ARID5B: variants seen among roughly 807,000 people sequenced by gnomAD.
The protein encoded by ARID5B is AT-rich interaction domain 5B.
Under a neutral mutation model 97.2 loss-of-function variants are expected in ARID5B, and 13 were observed. The ratio of observed to expected loss-of-function variants is 0.13; its 90% CI spans 0.09 to 0.21. The LOEUF is 0.21. Ranked by LOEUF, ARID5B falls within the 10% of genes least tolerant of loss-of-function variation. ARID5B has a pLI of 1.00. For missense variants in ARID5B, 1,210 were observed against 1,465.3 expected (o/e 0.83, Z 2.84); for synonymous variants, 556 against 570.3 (o/e 0.97, Z 0.36).
intron 9 of ARID5B, 149 bp downstream of exon 9, chr10:62,086,049 A>G: frequency 1.2e-6 from 1 of 814,292 alleles, no homozygotes; most frequent in East Asian, 2.5e-5. Context: ...TTCCCCACAT[A>G]GTTCCCCAGT....
rs1280371388 is a variant in ARID5B, at chr10:61,970,980, T to TGTGTGG, written c.503-29106_503-29105insGGTGTG. Among the ~76,000 whole-genome samples, 3 of 151,538 alleles carry TGTGTGG rather than the reference T, an allele frequency of 2.0e-5. No homozygotes were observed. The East Asian group carries it at 5.8e-4, about 29-fold the overall frequency. ...TATTAGTTTGCTTTTAAAGTGTGTG[T>TGTGTGG]GTGTGTGTGTGTATGTGTGTATAAA... On this transcript the variant is annotated intron_variant, in intron 3 of 9. Coordinates refer to ENST00000279873, the MANE Select transcript of ARID5B (RefSeq NM_032199.3).
rs55969343 is a variant in ARID5B, at chr10:62,062,779, C to CA, written c.1101+3509dup. 2.6e-3 allele frequency among the ~76,000 whole-genome samples: 223 copies of CA among 86,160 alleles called. 3 individuals carry two copies. Among genetic ancestry groups the CA allele is most frequent in the African/African-American group, 7.4e-3 (173 of 23,390 alleles). 56.5% of individuals were successfully genotyped at this position (86,160 alleles called of 152,430 possible). ...ATTTTTTCTCAAATTGGCCTTTGTGCAAAAAAAAAAAAAAAAAAAAAAAAA... is the reference window on the plus strand; with the variant it reads ...ATTTTTTCTCAAATTGGCCTTTGTGCAAAAAAAAAAAAAAAAAAAAAAAAAA... On this transcript the variant is annotated intron_variant, in intron 7 of 9. Coordinates refer to ENST00000279873, the MANE Select transcript of ARID5B (RefSeq NM_032199.3).
chr10:62,000,983 C>T lies in ARID5B; in HGVS notation c.733+662C>T, dbSNP rs1469266861. 1.3e-5 allele frequency among the ~76,000 whole-genome samples: 2 copies of T among 152,188 alleles called. No individual in the cohort carries two copies. The highest frequency in any genetic ancestry group is 3.9e-4 in the East Asian group (2 of 5,194). On this transcript the variant is annotated intron_variant, in intron 4 of 9. Transcript: ENST00000279873. This position sits in a 1 kb window ranked among gnomAD's most constrained non-coding sequence, Gnocchi z 4.4. ...AAAGATGGATACATATCTTAATCTG[C>T]ATCTCTGCCTAGCTAACTGGTCACG...
intron 9 of ARID5B, among the ~76,000 whole-genome samples, chr10:62,090,334 A>T (rs1294726470): frequency 6.6e-6 from 1 of 152,214 alleles, no homozygotes; most frequent in African/African-American, 2.4e-5. Flanking sequence ...ATGCATTGCT[A>T]ATCTTCAGTG....
intron 4 of ARID5B, among the ~76,000 whole-genome samples, chr10:62,035,522 C>T (rs1839551464): frequency 6.6e-6 from 1 of 152,190 alleles, no homozygotes; most frequent in Non-Finnish European, 1.5e-5. Flanking sequence ...GACGGAGTCT[C>T]ACTCATTGCC....
Position 62,091,825 on chromosome 10 carries a change from T to C in ARID5B, c.2362T>C (p.Phe788Leu). ...LSRSDPHRCSFSKHHLNPLAD... is the reference protein window; with the variant it reads ...LSRSDPHRCSLSKHHLNPLAD... ...TCGATCAGATCCCCACCGCTGCAGC[T>C]TCTCCAAGCATCACCTTAACCCCCT... Residue 788 changes from phenylalanine (F) to leucine (L), a missense_variant, in exon 10 of 10, where the codon TTC becomes CTC. Physicochemically the swap from Phe to Leu is conservative, Grantham distance 22 (BLOSUM62 0). Transcript: ENST00000279873. 1 of 1,614,012 alleles carries C rather than the reference T, an allele frequency of 6.2e-7. No individual in the cohort carries two copies.
intron 2 of ARID5B, among the ~76,000 whole-genome samples, chr10:61,932,353 G>A (rs191987075): frequency 1.3e-4 from 20 of 151,990 alleles, no homozygotes; most frequent in Admixed American, 3.3e-4. Flanking sequence ...GATCAGGGTC[G>A]TGGTTGCTGA....
At chr10:62,079,456 G>A (rs1023682453) in intron 8 of ARID5B, among the ~76,000 whole-genome samples, 3 of 152,274 alleles carry the variant, frequency 2.0e-5, no homozygotes, top group South Asian at 2.1e-4. Flanking sequence ...AATGTAATGC[G>A]TGGTGGTGGC....
chr10:61,911,642 C>T (rs1843806065), intron 2 of ARID5B, among the ~76,000 whole-genome samples: 1 of 152,136 alleles, frequency 6.6e-6, no homozygotes, highest in African/African-American at 2.4e-5. Context: ...CTTTGCACTG[C>T]ACGAGCGGCA....
chr10:61,972,221 C>T (rs1838637554), intron 3 of ARID5B, among the ~76,000 whole-genome samples: 1 of 126,426 alleles, frequency 7.9e-6, no homozygotes, highest in Admixed American at 9.9e-5. Flanking sequence ...AGTCTTATAT[C>T]ATGCTTTTTT....
At chr10:62,069,907 A>G in intron 8 of ARID5B, 110 bp downstream of exon 8, 3 of 1,081,658 alleles carry the variant, frequency 2.8e-6, no homozygotes, top group Non-Finnish European at 4.0e-6. Context: ...GAAACTGAAA[A>G]TTTCCCTCTG....
rs933963503 is a variant in ARID5B, at chr10:62,055,943, T to G, written c.847-1174T>G. Among the ~76,000 whole-genome samples the G allele has an allele frequency of 3.3e-5, 5 of 152,170 alleles. No homozygotes were observed. In the East Asian group the frequency reaches 9.6e-4, roughly 29 times the overall value. On this transcript the variant is annotated intron_variant, in intron 5 of 9. Transcript: ENST00000279873. ...AGCATTGTAGAATATGTGGGACATT[T>G]TTATTCGTAACATTTCCCCAGCACT... is the stretch of plus-strand genomic sequence containing the variant.
chr10:62,065,848 A>G (rs1839980359), intron 7 of ARID5B, among the ~76,000 whole-genome samples: 1 of 137,242 alleles, frequency 7.3e-6, no homozygotes, highest in Admixed American at 7.0e-5. Context: ...TCTGTCTCAA[A>G]AAAAAAAAAA....
chr10:61,927,857 C>T (rs573166910), intron 2 of ARID5B, among the ~76,000 whole-genome samples: 16 of 152,290 alleles, frequency 1.1e-4, no homozygotes, highest in African/African-American at 3.6e-4. Context: ...GGATAAAAGT[C>T]TCCAGCGGAG....
At chr10:61,911,931 T>A (rs1461992615) in intron 2 of ARID5B, among the ~76,000 whole-genome samples, 1 of 152,184 alleles carries the variant, frequency 6.6e-6, no homozygotes, top group African/African-American at 2.4e-5. Flanking sequence ...ATGTTGCTAC[T>A]GGAAGTTGGG....
chr10:61,967,030 T>C (rs747146880), intron 3 of ARID5B, among the ~76,000 whole-genome samples: 13 of 152,284 alleles, frequency 8.5e-5, no homozygotes, highest in African/African-American at 3.1e-4. Flanking sequence ...GGGCCTTTTT[T>C]TCCCCCAGAA....
chr10:61,903,857 C>T (rs993996656), intron 2 of ARID5B, among the ~76,000 whole-genome samples: 4 of 151,804 alleles, frequency 2.6e-5, no homozygotes, highest in African/African-American at 7.3e-5. Flanking sequence ...TCTGCCTTTT[C>T]GGAAATAAGC....
At chr10:61,985,679 T>A (rs1372495023) in intron 3 of ARID5B, among the ~76,000 whole-genome samples, 1 of 152,126 alleles carries the variant, frequency 6.6e-6, no homozygotes, top group Non-Finnish European at 1.5e-5. Flanking sequence ...ATCGTATCAT[T>A]TTTAATCTTA....
intron 8 of ARID5B, among the ~76,000 whole-genome samples, chr10:62,076,316 G>A (rs1840133202): frequency 6.6e-6 from 1 of 152,174 alleles, no homozygotes; most frequent in African/African-American, 2.4e-5. Flanking sequence ...GAGGCGGGCA[G>A]ATGACTTGAG....
Sources: gnomAD v4.1 joint callset for allele counts (sites outside exome capture counted in the v4.1 genomes callset) on GRCh38, gnomAD v4.1.1 for gene constraint, Gnocchi (gnomAD v3.1) non-coding constraint, MANE v1.5 for transcripts, NCBI Gene and HGNC (gene_info 2026-07-23, HGNC 2026-07-21) for gene names.